Variants in CRYBA4 observed in about 807,000 individuals in gnomAD.
CRYBA4 encodes the protein crystallin beta A4, also known as beta-crystallin A4.
A neutral mutation model predicts 31.7 loss-of-function variants in CRYBA4; 30 were observed. The ratio of observed to expected loss-of-function variants is 0.95; its 90% CI spans 0.71 to 1.28. The LOEUF is 1.28. Among genes scored for constraint, CRYBA4 ranks in the 50% most tolerant of loss-of-function variants. The pLI is 0.00. For missense variants in CRYBA4, 225 were observed against 260.7 expected (o/e 0.86, Z 0.94); for synonymous variants, 102 against 102.3 (o/e 1.00, Z 0.02).
chr22:26,609,922 G>A, the CRYBA4 span, among the ~76,000 whole-genome samples: 1 of 152,162 alleles, frequency 6.6e-6, no homozygotes, highest in Non-Finnish European at 1.5e-5. Flanking sequence ...GGGCCTAAAA[G>A]AGGGAATGCA....
chr22:26,609,506 T>A, the CRYBA4 span, among the ~76,000 whole-genome samples: 21,871 of 151,838 alleles, frequency 0.14, 2,071 homozygotes, highest in South Asian at 0.31. Context: ...GAAGGGATGG[T>A]TGAATTGATG....
the CRYBA4 span, among the ~76,000 whole-genome samples, chr22:26,607,494 C>G: frequency 6.8e-6 from 1 of 148,042 alleles, no homozygotes; most frequent in Non-Finnish European, 1.5e-5. Context: ...GAGTTCAAGG[C>G]TGCAGTGAGC....
chr22:26,618,832 G>A (rs1244450541), upstream of CRYBA4, among the ~76,000 whole-genome samples: 1 of 152,226 alleles, frequency 6.6e-6, no homozygotes, highest in African/African-American at 2.4e-5. Context: ...TCGGAGACCT[G>A]GGTCTTTTTC....
chr22:26,616,128 C>G, the CRYBA4 span: 1 of 1,612,822 alleles, frequency 6.2e-7, no homozygotes. Context: ...CACTGCACCC[C>G]CAGGTCCTTA....
chr22:26,629,060 G>T (rs2145984962), intron 5 of CRYBA4, among the ~76,000 whole-genome samples: 1 of 152,302 alleles, frequency 6.6e-6, no homozygotes, highest in Non-Finnish European at 1.5e-5. Context: ...TAAAACACAG[G>T]TGTGGCTCCA....
the CRYBA4 span, among the ~76,000 whole-genome samples, chr22:26,607,212 G>A: frequency 2.0e-5 from 3 of 151,714 alleles, no homozygotes; most frequent in Non-Finnish European, 4.4e-5. Context: ...TAGTAAAGAC[G>A]GGGTTTCGTC....
the CRYBA4 span, among the ~76,000 whole-genome samples, chr22:26,611,780 G>T: frequency 1.3e-5 from 2 of 152,112 alleles, no homozygotes; most frequent in Non-Finnish European, 2.9e-5. Context: ...GGCCGGGCTA[G>T]AGTTTTTGCT....
chr22:26,598,124 C>T, the CRYBA4 span, among the ~76,000 whole-genome samples: 7 of 152,128 alleles, frequency 4.6e-5, no homozygotes, highest in Non-Finnish European at 1.0e-4. Flanking sequence ...CTCAAGTGAT[C>T]TGCCTGCCTC....
chr22:26,595,074 T>G, the CRYBA4 span, among the ~76,000 whole-genome samples: 2 of 152,242 alleles, frequency 1.3e-5, no homozygotes, highest in Non-Finnish European at 2.9e-5. Context: ...TGTTATTTTC[T>G]TTAACTTGCT....
chr22:26,601,778 C>T, the CRYBA4 span: 1 of 1,579,640 alleles, frequency 6.3e-7, no homozygotes, highest in Non-Finnish European at 8.6e-7. Context: ...GGGGCCATGG[C>T]CTTCTCTAGG....
the CRYBA4 span, among the ~76,000 whole-genome samples, chr22:26,610,817 C>A: frequency 2.6e-5 from 4 of 152,170 alleles, no homozygotes; most frequent in Admixed American, 6.5e-5. Context: ...GATGGGGAAA[C>A]TGAGGCTTGC....
the CRYBA4 span, among the ~76,000 whole-genome samples, chr22:26,595,690 G>C: frequency 6.6e-6 from 1 of 152,118 alleles, no homozygotes; most frequent in Non-Finnish European, 1.5e-5. Context: ...TGCCCAGGCT[G>C]GTCTCAAACT....
the CRYBA4 span, among the ~76,000 whole-genome samples, chr22:26,609,260 G>C: frequency 5.0e-4 from 76 of 152,312 alleles, no homozygotes; most frequent in African/African-American, 1.8e-3. Context: ...GTCTTTGTCT[G>C]AGAGATGAGT....
chr22:26,610,799 A>G, the CRYBA4 span, among the ~76,000 whole-genome samples: 6,558 of 152,206 alleles, frequency 0.043, 451 homozygotes, highest in African/African-American at 0.15. Flanking sequence ...CCTTCTCCCC[A>G]TTTCAAAGAT....
upstream of CRYBA4, among the ~76,000 whole-genome samples, chr22:26,617,811 CCCCTCT>C (rs1455865307): frequency 6.6e-6 from 1 of 151,892 alleles, no homozygotes. Context: ...CTCACTCTCT[CCCCTCT>C]CCCTCTCCCT....
upstream of CRYBA4, among the ~76,000 whole-genome samples, chr22:26,618,477 A>G (rs1929433204): frequency 6.9e-6 from 1 of 145,000 alleles, no homozygotes; most frequent in African/African-American, 2.9e-5. Context: ...GCCATATAGA[A>G]AAGAAGGTGA....
chr22:26,618,484 G>A (rs550135554), upstream of CRYBA4, among the ~76,000 whole-genome samples: 33 of 152,332 alleles, frequency 2.2e-4, no homozygotes, highest in African/African-American at 7.9e-4. Flanking sequence ...AGAAAAGAAG[G>A]TGACAATGAG....
chr22:26,605,336 A>G, the CRYBA4 span, among the ~76,000 whole-genome samples: 4 of 152,148 alleles, frequency 2.6e-5, no homozygotes, highest in African/African-American at 7.2e-5. Flanking sequence ...AGTCTGTTTG[A>G]TGCACAGTTT....
intron 5 of CRYBA4, among the ~76,000 whole-genome samples, chr22:26,629,569 C>A (rs1398817727): frequency 6.6e-6 from 1 of 151,690 alleles, no homozygotes; most frequent in Non-Finnish European, 1.5e-5. Flanking sequence ...TGGTGAAAGC[C>A]CGTCTCTACT....
Sources: allele counts gnomAD v4.1 joint callset (sites outside exome capture counted in the v4.1 genomes callset), GRCh38; gene constraint gnomAD v4.1.1; transcripts MANE v1.5; gene names NCBI Gene and HGNC (gene_info 2026-07-23, HGNC 2026-07-21).